NTM: variants seen among roughly 807,000 people sequenced by gnomAD.
NTM encodes the protein IgLON family member 2.
NTM carries 13 observed loss-of-function variants against 42.1 expected under a neutral mutation model. The observed-to-expected ratio is 0.31, with a 90% CI of 0.20 to 0.49. The LOEUF is 0.49. Ranked by LOEUF, NTM falls within the 20% of genes least tolerant of loss-of-function variation. The pLI, the probability that NTM is intolerant of heterozygous loss-of-function variation, is 0.99. For missense variants in NTM, 373 were observed against 452.8 expected (o/e 0.82, Z 1.60); for synonymous variants, 187 against 179.2 (o/e 1.04, Z -0.35).
intron 1 of NTM, among the ~76,000 whole-genome samples, chr11:131,479,909 AAATC>A (rs1354241693): frequency 1.3e-5 from 2 of 152,178 alleles, no homozygotes; most frequent in African/African-American, 4.8e-5. Flanking sequence ...AAAAAAATCA[AAATC>A]AATGTTAAAA....
chr11:131,538,921 C>CTTTCT (rs1555144440), intron 1 of NTM, among the ~76,000 whole-genome samples: 1 of 102,390 alleles, frequency 9.8e-6, no homozygotes, highest in Non-Finnish European at 1.9e-5. Flanking sequence ...GTTAACTTAG[C>CTTTCT]TTTTTTTTTT....
intron 2 of NTM, among the ~76,000 whole-genome samples, chr11:132,025,801 A>G (rs972388082): frequency 1.3e-5 from 2 of 152,222 alleles, no homozygotes; most frequent in Non-Finnish European, 2.9e-5. Context: ...AATAGATTTC[A>G]TATGGCTCCA....
intron 2 of NTM, among the ~76,000 whole-genome samples, chr11:131,924,759 A>G (rs911405023): frequency 6.6e-6 from 1 of 152,262 alleles, no homozygotes; most frequent in Non-Finnish European, 1.5e-5. Flanking sequence ...TTACCTAAAG[A>G]AAAAACAAAC....
intron 1 of NTM, among the ~76,000 whole-genome samples, chr11:131,743,618 G>A (rs938495741): frequency 6.6e-6 from 1 of 152,128 alleles, no homozygotes; most frequent in Non-Finnish European, 1.5e-5. Context: ...GGCATATCAG[G>A]CAGAGTTATG....
At chr11:131,576,842 C>T (rs1190677828) in intron 1 of NTM, among the ~76,000 whole-genome samples, 1 of 152,080 alleles carries the variant, frequency 6.6e-6, no homozygotes, top group Non-Finnish European at 1.5e-5. Flanking sequence ...ACTGTGTGAC[C>T]CTGAGGAACT....
chr11:131,859,467 T>C (rs1317057725), intron 1 of NTM, among the ~76,000 whole-genome samples: 3 of 152,118 alleles, frequency 2.0e-5, no homozygotes, highest in African/African-American at 7.2e-5. Flanking sequence ...GAGTAGTCCT[T>C]TGAGGGTTGT....
chr11:132,256,864 G>A (rs1181164519), intron 4 of NTM, among the ~76,000 whole-genome samples: 2 of 152,146 alleles, frequency 1.3e-5, no homozygotes, highest in Admixed American at 6.5e-5. Flanking sequence ...GGGACCCCTA[G>A]CTCCCACAGA....
intron 1 of NTM, among the ~76,000 whole-genome samples, chr11:131,735,994 G>T (rs968975880): frequency 1.3e-5 from 2 of 152,006 alleles, no homozygotes; most frequent in African/African-American, 4.8e-5. Flanking sequence ...CAACACACCT[G>T]GCTACTTTTT....
intron 7 of NTM, among the ~76,000 whole-genome samples, chr11:132,329,398 A>G (rs1346933299): frequency 6.6e-6 from 1 of 152,168 alleles, no homozygotes; most frequent in Admixed American, 6.5e-5. Flanking sequence ...TGAAATGGAG[A>G]CCTTTCACAG....
At chr11:131,397,816 T>C (rs1944725287) in intron 1 of NTM, among the ~76,000 whole-genome samples, 3 of 152,192 alleles carry the variant, frequency 2.0e-5, no homozygotes, top group African/African-American at 7.2e-5. Flanking sequence ...GGGACAGCCA[T>C]ACTCATCTCT....
intron 2 of NTM, among the ~76,000 whole-genome samples, chr11:131,971,972 T>G (rs1457973137): frequency 6.8e-6 from 1 of 146,962 alleles, no homozygotes; most frequent in African/African-American, 2.5e-5. Context: ...GAACCCTGGA[T>G]GCGGAGCTTG....
At chr11:132,101,197 C>G (rs1180723815) in intron 2 of NTM, among the ~76,000 whole-genome samples, 4 of 152,148 alleles carry the variant, frequency 2.6e-5, no homozygotes, top group African/African-American at 9.7e-5. Context: ...GCCCTCCCCA[C>G]CCTTTATTTT....
chr11:132,154,185 A>G lies in NTM; in HGVS notation c.400+7671A>G, dbSNP rs545332609. On this transcript the variant is annotated intron_variant, in intron 3 of 8. Coordinates refer to ENST00000683400, the MANE Select transcript of NTM (RefSeq NM_001352005.2). ...TCAGGTGGAACCAGATAGGCTTCCA[A>G]TAGGCTTATTTTTTTCTGGTTGTCC... Among the ~76,000 whole-genome samples, 12 of 152,322 alleles carry G rather than the reference A, an allele frequency of 7.9e-5. No homozygotes were observed. In the South Asian group the frequency reaches 1.2e-3, roughly 16 times the overall value.
At chr11:131,471,508 G>A (rs532186570) in intron 1 of NTM, among the ~76,000 whole-genome samples, 1 of 152,350 alleles carries the variant, frequency 6.6e-6, no homozygotes, top group East Asian at 1.9e-4. Context: ...TTTTAAGAGT[G>A]TGTAACGGAA....
At chr11:132,205,582 C>G (rs1250244612) in intron 3 of NTM, among the ~76,000 whole-genome samples, 1 of 152,138 alleles carries the variant, frequency 6.6e-6, no homozygotes, top group Non-Finnish European at 1.5e-5. Context: ...TAAACATACC[C>G]TAACCACTCC....
Position 131,401,844 on chromosome 11 carries a change from A to ATATG in NTM, c.82+30959_82+30960insGTAT, listed in dbSNP as rs1565465650. On this transcript the variant is annotated intron_variant, in intron 1 of 8. Coordinates refer to ENST00000683400, the MANE Select transcript of NTM (RefSeq NM_001352005.2). ...TATATATATATATATATATATATAT[A>ATATG]TATATATATATATATATTTTAATTT... Among the ~76,000 whole-genome samples, 12 of 101,082 alleles carry ATATG rather than the reference A, an allele frequency of 1.2e-4. 1 individual carries two copies. Among genetic ancestry groups the ATATG allele is most frequent in the African/African-American group, 3.9e-4 (10 of 25,538 alleles). The allele number at this position is 101,082 out of a possible 152,430, so 66.3% of individuals were successfully genotyped here.
At chr11:132,252,155 C>T (rs2092015087) in intron 4 of NTM, among the ~76,000 whole-genome samples, 1 of 146,232 alleles carries the variant, frequency 6.8e-6, no homozygotes, top group African/African-American at 2.6e-5. Flanking sequence ...GTCAGTTCTA[C>T]TTGGCAGGCC....
intron 1 of NTM, among the ~76,000 whole-genome samples, chr11:131,801,820 C>A (rs1331497715): frequency 2.0e-5 from 3 of 152,084 alleles, no homozygotes; most frequent in African/African-American, 4.8e-5. Context: ...CTGTCCTGAA[C>A]CTTTCTCTCA....
intron 4 of NTM, among the ~76,000 whole-genome samples, chr11:132,237,592 C>G (rs2089275505): frequency 6.6e-6 from 1 of 152,222 alleles, no homozygotes; most frequent in South Asian, 2.1e-4. Flanking sequence ...CGCACTCAGT[C>G]TCAGCATCTC....
Sources: allele counts gnomAD v4.1 joint callset (sites outside exome capture counted in the v4.1 genomes callset), GRCh38; gene constraint gnomAD v4.1.1; transcripts MANE v1.5; gene names NCBI Gene and HGNC (gene_info 2026-07-23, HGNC 2026-07-21).